Variants in APEH observed in about 807,000 individuals in gnomAD.
The protein encoded by APEH is acylamino-acid-releasing enzyme.
Under a neutral mutation model 102.7 loss-of-function variants are expected in APEH, and 75 were observed. That is an observed-to-expected ratio of 0.73 (90% CI 0.61 to 0.89). APEH has a LOEUF of 0.89. APEH is among the 40% of genes least tolerant of loss of function. The probability of loss-of-function intolerance (pLI) is 0.00; values close to 1 mark genes in which losing one functional copy is unlikely to be tolerated. For synonymous variants in APEH, 344 were observed against 362.7 expected (o/e 0.95, Z 0.59); for missense variants, 863 against 941.2 (o/e 0.92, Z 1.09).
rs549915474 is a variant in APEH, at chr3:49,677,521, C to T, written c.1000-52C>T. ...GGGGATAGGCACAGGGCACTGTGCC[C>T]TAAGGGAACTGCCTGTCCCCTACTG... On this transcript the variant is annotated intron_variant, in intron 10 of 21. Coordinates refer to ENST00000296456, the MANE Select transcript of APEH (RefSeq NM_001640.4). 1.8e-5 allele frequency: 27 copies of T among 1,534,292 alleles called. No individual in the cohort carries two copies. In the African/African-American group the frequency reaches 3.4e-4, roughly 19 times the overall value.
In APEH at chr3:49,677,554, C is replaced by T; in HGVS notation, c.1000-19C>T. The T allele has an allele frequency of 6.2e-7, 1 of 1,610,484 alleles. No homozygotes were observed. The highest frequency in any genetic ancestry group is 8.5e-7 in the Non-Finnish European group (1 of 1,176,748). On this transcript the variant is annotated intron_variant, in intron 10 of 21. Transcript: ENST00000296456. ...ACTGCCTGTCCCCTACTGGACCTGA[C>T]CATTGTGTTCTCTTGCAGTATGACT...
In APEH at chr3:49,679,022, A is replaced by C. The variant is rs901567340; in HGVS notation, c.1158+73A>C. On this transcript the variant is annotated intron_variant, in intron 12 of 21. Coordinates refer to ENST00000296456, the MANE Select transcript of APEH (RefSeq NM_001640.4). The surrounding 1 kb of genome is among the most constrained non-coding windows in gnomAD (Gnocchi z 4.3). ...CAGGAGCCCTGGGGGTTGCATGTGC[A>C]TGCCCCTGGGTGGAATGCCCAGCCA... 4 of 1,292,244 alleles carry C rather than the reference A, an allele frequency of 3.1e-6. No homozygotes were observed. In the Admixed American group the frequency reaches 5.3e-5, roughly 17 times the overall value. The allele number at this position is 1,292,244 out of a possible 1,614,324, so 80.0% of individuals were successfully genotyped here.
In APEH at chr3:49,674,374, G is replaced by C; in HGVS notation, c.-28G>C. On this transcript the variant is annotated 5_prime_UTR_variant, in exon 1 of 22. Coordinates refer to ENST00000296456, the MANE Select transcript of APEH (RefSeq NM_001640.4). Reference sequence around the variant, plus strand: ...TCACTTCCGGGCGCGAGCACGCCCCGCCTCGCCCCGGCGGCAGAGAGGAGA... The same window carrying C: ...TCACTTCCGGGCGCGAGCACGCCCCCCCTCGCCCCGGCGGCAGAGAGGAGA... The C allele has an allele frequency of 6.4e-7, 1 of 1,560,656 alleles. No individual in the cohort carries two copies. Among genetic ancestry groups the C allele is most frequent in the Non-Finnish European group, 8.6e-7 (1 of 1,160,266 alleles).
rs765123869 is a variant in APEH at position 49,676,799 on chromosome 3, C to G, written c.859C>G (p.Leu287Val). The G allele has an allele frequency of 6.2e-7, 1 of 1,614,280 alleles. No homozygotes were observed. The highest frequency in any genetic ancestry group is 2.2e-5 in the East Asian group (1 of 44,886). ...NRRSALYYVD[L>V]IGGKCELLSD... ...CAGGTCAGCCCTGTATTATGTGGAC[C>G]TCATCGGGGGGAAGTGTGGTAAGTG... The change falls in exon 9 of 22, where the codon CTC becomes GTC. Residue 287 changes from leucine (L) to valine (V), a missense_variant. Coordinates refer to ENST00000296456, the MANE Select transcript of APEH (RefSeq NM_001640.4).
chr3:49,682,501 G>A (rs772518587), intron 18 of APEH, 45 bp from the exon 19 acceptor site: 6 of 1,613,028 alleles, frequency 3.7e-6, no homozygotes, highest in African/African-American at 2.7e-5. Context: ...CCTCCATTCA[G>A]CTGAGCGGGC....
intron 6 of APEH, 49 bp from the exon 7 acceptor site, chr3:49,676,329 A>G (rs773703244): frequency 2.5e-6 from 4 of 1,613,206 alleles, no homozygotes; most frequent in Non-Finnish European, 3.4e-6. Flanking sequence ...TTTAGGAAGC[A>G]GAGCAGGTCC....
Position 49,683,656 on chromosome 3 carries a change from G to T in APEH, c.*314G>T. 1 of 464,662 alleles carries T rather than the reference G, an allele frequency of 2.2e-6. No homozygotes were observed. Among genetic ancestry groups the T allele is most frequent in the Admixed American group, 3.6e-5 (1 of 27,980 alleles). The allele number at this position is 464,662 out of a possible 1,614,324, so 28.8% of individuals were successfully genotyped here. Reference sequence around the variant, plus strand: ...GGGAACAGTGAGAGGCTTAGCCTCTGCCTGTCCTGGCAACCAGGACTCTGT... The same window carrying T: ...GGGAACAGTGAGAGGCTTAGCCTCTTCCTGTCCTGGCAACCAGGACTCTGT... On this transcript the variant is annotated 3_prime_UTR_variant, in exon 22 of 22. Coordinates refer to ENST00000296456, the MANE Select transcript of APEH (RefSeq NM_001640.4).
At chr3:49,678,762 G>A in intron 11 of APEH, 90 bp from the exon 12 acceptor site, 1 of 1,099,838 alleles carries the variant, frequency 9.1e-7, no homozygotes, top group African/African-American at 1.5e-5. Flanking sequence ...GTAGGGCCCT[G>A]GGTGAATTCC....
rs765904928 is a variant in APEH, at chr3:49,681,885, A to T, written c.1523-2A>T. On this transcript the variant is annotated splice_acceptor_variant, in intron 16 of 21. Transcript: ENST00000296456. LOFTEE classifies it high-confidence loss of function. Reference sequence around the variant, plus strand: ...CTTTCACCCTCCGCTCCCTGTCTGCAGGGGGGCCCCATTCATCCTTTGTCA... The same window carrying T: ...CTTTCACCCTCCGCTCCCTGTCTGCTGGGGGGCCCCATTCATCCTTTGTCA... 6.2e-7 allele frequency: 1 copy of T among 1,613,862 alleles called. No individual in the cohort carries two copies. The highest frequency in any genetic ancestry group is 1.1e-5 in the South Asian group (1 of 91,090).
Position 49,675,712 on chromosome 3 carries a change from T to C in APEH, c.291T>C (p.Ser97=). ...TCCACAGACTGCTGAGCAGAGAGTC[T>C]CCTTCAGGCACCATGAAAGCTGTGC... is the stretch of plus-strand genomic sequence containing the variant. ...ETRGELLSRE[S]PSGTMKAVLR... Residue 97 remains serine, a synonymous_variant, in exon 4 of 22, where the codon TCT becomes TCC. Coordinates refer to ENST00000296456, the MANE Select transcript of APEH (RefSeq NM_001640.4). 6.2e-7 allele frequency: 1 copy of C among 1,613,970 alleles called. No homozygotes were observed. The highest frequency in any genetic ancestry group is 8.5e-7 in the Non-Finnish European group (1 of 1,179,988).
chr3:49,681,333 G>A, intron 15 of APEH, 94 bp downstream of exon 15: 1 of 1,364,594 alleles, frequency 7.3e-7, no homozygotes, highest in Non-Finnish European at 9.6e-7. Flanking sequence ...TCACATTGTG[G>A]GGTTTCTGGT....
chr3:49,674,290 T>C, upstream of APEH: 2 of 1,364,758 alleles, frequency 1.5e-6, no homozygotes, highest in Non-Finnish European at 2.0e-6. Context: ...CCCTCACAGA[T>C]TGCCGCAGGG....
chr3:49,676,186 A>G lies in APEH; in HGVS notation c.573A>G (p.Ile191Met). 6.2e-7 allele frequency: 1 copy of G among 1,614,150 alleles called. No homozygotes were observed. Among genetic ancestry groups the G allele is most frequent in the Non-Finnish European group, 8.5e-7 (1 of 1,180,038 alleles). ...ALDVSASDDEIARLKKPDQAI... is the reference protein window; with the variant it reads ...ALDVSASDDEMARLKKPDQAI... ...ACGTCAGTGCCAGCGATGATGAGAT[A>G]GCCAGGCTGAAGAAGCCAGACCAAG... Residue 191 changes from isoleucine to methionine, a missense_variant, in exon 6 of 22, where the codon ATA (isoleucine) becomes ATG (methionine). Physicochemically the swap from Ile to Met is conservative, Grantham distance 10. Coordinates refer to ENST00000296456, the MANE Select transcript of APEH (RefSeq NM_001640.4).
At position 49,682,441 on chromosome 3, in the gene APEH, C is replaced by G; in HGVS notation, c.1692+5C>G. 1 of 1,613,708 alleles carries G rather than the reference C, an allele frequency of 6.2e-7. No homozygotes were observed. The highest frequency in any genetic ancestry group is 8.5e-7 in the Non-Finnish European group (1 of 1,179,684). ...CAGGATGTGAAGGATGTCCAGGTAG[C>G]AGGGGCTGGGGCTTCTGGACAGGCT... On this transcript the variant is annotated splice_donor_5th_base_variant and intron_variant, in intron 18 of 21. Transcript: ENST00000296456.
rs1210098431 is a variant in APEH at position 49,682,649 on chromosome 3, A to C, written c.1796A>C (p.Gln599Pro). ...GGFISCHLIG[Q>P]YPETYRACVA... ...TTCATTTCCTGCCACTTGATTGGTC[A>C]GTACCCAGAGACCTACAGGGCCTGC... Residue 599 changes from glutamine to proline, a missense_variant, in exon 19 of 22, where the codon CAG (glutamine) becomes CCG (proline). Physicochemically the swap from Gln to Pro is moderately conservative, Grantham distance 76. Coordinates refer to ENST00000296456, the MANE Select transcript of APEH (RefSeq NM_001640.4). 1 of 1,613,974 alleles carries C rather than the reference A, an allele frequency of 6.2e-7. No homozygotes were observed. The highest frequency in any genetic ancestry group is 2.2e-5 in the East Asian group (1 of 44,894).
At position 49,679,481 on chromosome 3, in the gene APEH, C is replaced by A; in HGVS notation, c.1159-112C>A. On this transcript the variant is annotated intron_variant, in intron 12 of 21. Coordinates refer to ENST00000296456, the MANE Select transcript of APEH (RefSeq NM_001640.4). This position sits in a 1 kb window ranked among gnomAD's most constrained non-coding sequence, Gnocchi z 4.3. ...AACCATCACCATAGCTGTCCACAGC[C>A]TTGGTCTGGCCAGGGCTCTCCAAGA... The A allele has an allele frequency of 8.9e-7, 1 of 1,126,438 alleles. No homozygotes were observed. Among genetic ancestry groups the A allele is most frequent in the Non-Finnish European group, 1.3e-6 (1 of 751,970 alleles). 69.8% of individuals were successfully genotyped at this position (1,126,438 alleles called of 1,614,324 possible).
intron 11 of APEH, 90 bp downstream of exon 11, chr3:49,677,723 A>G: frequency 3.0e-6 from 4 of 1,331,712 alleles, no homozygotes; most frequent in Non-Finnish European, 4.3e-6. Context: ...CTTCTTTCCT[A>G]GGTTCCTTCT....
At chr3:49,680,458 C>T (rs1394226276) in intron 13 of APEH, 83 bp from the exon 14 acceptor site, 2 of 1,305,380 alleles carry the variant, frequency 1.5e-6, no homozygotes, top group Admixed American at 1.7e-5. Context: ...CATAGAGTCT[C>T]CAGCCTGGGA....
intron 2 of APEH, among the ~76,000 whole-genome samples, chr3:49,674,971 G>A (rs985615828): frequency 2.0e-5 from 3 of 152,190 alleles, no homozygotes; most frequent in Non-Finnish European, 4.4e-5. Flanking sequence ...TTACTAGGGG[G>A]TTCTCTCAAA....
Sources: allele counts gnomAD v4.1 joint callset (sites outside exome capture counted in the v4.1 genomes callset), GRCh38; gene constraint gnomAD v4.1.1; non-coding constraint Gnocchi (gnomAD v3.1); transcripts MANE v1.5; gene names NCBI Gene and HGNC (gene_info 2026-07-23, HGNC 2026-07-21).